IKBIP: variants seen among roughly 807,000 people sequenced by gnomAD.
The protein encoded by IKBIP is IKBKB interacting protein, also known as inhibitor of nuclear factor kappa-B kinase-interacting protein.
IKBIP carries 28 observed loss-of-function variants against 31.0 expected under a neutral mutation model. That is an observed-to-expected ratio of 0.90 (90% CI 0.67 to 1.24). The LOEUF (loss-of-function observed/expected upper bound fraction) is 1.24, where lower values mean the gene tolerates loss of function less well. IKBIP is among the 50% of genes most tolerant of loss of function. IKBIP has a pLI of 0.00. For missense variants in IKBIP, 453 were observed against 441.9 expected, an observed-to-expected ratio of 1.03 and a Z score of -0.23; for synonymous variants, 164 against 160.3, an observed-to-expected ratio of 1.02 and a Z score of -0.17.
downstream of IKBIP, among the ~76,000 whole-genome samples, chr12:98,623,409 C>CT (rs941724874): frequency 2.7e-5 from 4 of 148,750 alleles, no homozygotes; most frequent in Admixed American, 1.3e-4. Flanking sequence ...CAGGGATGCG[C>CT]TTTTTTTTGA....
intron 1 of IKBIP, among the ~76,000 whole-genome samples, chr12:98,635,961 C>T (rs2097625412): frequency 6.6e-6 from 1 of 152,056 alleles, no homozygotes; most frequent in Non-Finnish European, 1.5e-5. Flanking sequence ...GGGTGGAAGC[C>T]CAAAAAGCTA....
At position 98,613,859 on chromosome 12, in the gene IKBIP, AATCT is replaced by A; in HGVS notation, c.775_778del (p.Arg259PhefsTer2). On this transcript the variant is annotated frameshift_variant, in exon 3 of 3. Coordinates refer to the IKBIP transcript ENST00000342502. LOFTEE classifies it high-confidence loss of function. The stretch of plus-strand genomic sequence containing the variant: ...GGCTCTGTCACCTTCTAAGCTTAGA[AATCT>A]ATCTGTATGTTTGTCGAAGTCACTC... 1 of 1,613,040 alleles carries A rather than the reference AATCT, an allele frequency of 6.2e-7. No homozygotes were observed. The highest frequency in any genetic ancestry group is 1.1e-5 in the South Asian group (1 of 90,666).
rs752189005 is a variant in IKBIP at position 98,626,488 on chromosome 12, C to T, written c.576G>A (p.Glu192=). Residue 192 remains glutamate (E), a synonymous_variant, in exon 3 of 3, where the codon GAG becomes GAA. Coordinates refer to ENST00000299157, the MANE Select transcript of IKBIP (RefSeq NM_153687.4). ...SQVTVQINSA[E]QEIKLLTERL... ...GTTCAGTGAGCAATTTTATTTCCTG[C>T]TCAGCTGAGTTAATTTGGACAGTTA... is the stretch of plus-strand genomic sequence containing the variant. 6.2e-7 allele frequency: 1 copy of T among 1,613,388 alleles called. No homozygotes were observed. The highest frequency in any genetic ancestry group is 1.1e-5 in the South Asian group (1 of 91,080).
At chr12:98,634,931 G>C (rs973283352) in intron 1 of IKBIP, among the ~76,000 whole-genome samples, 2 of 151,040 alleles carry the variant, frequency 1.3e-5, no homozygotes, top group Non-Finnish European at 2.9e-5. Flanking sequence ...GGATGCTCTC[G>C]ATCTCCTGAC....
At chr12:98,634,675 T>C (rs1451878757) in intron 1 of IKBIP, among the ~76,000 whole-genome samples, 2 of 151,174 alleles carry the variant, frequency 1.3e-5, no homozygotes, top group African/African-American at 4.9e-5. Context: ...GCTAGGACTG[T>C]CCATCTCGCT....
chr12:98,644,669 C>G lies in IKBIP; in HGVS notation c.33G>C (p.Gly11=). 1.9e-6 allele frequency: 3 copies of G among 1,610,600 alleles called. No individual in the cohort carries two copies. Residue 11 remains glycine, a synonymous_variant, in exon 1 of 3, where the codon GGG becomes GGC. Transcript: ENST00000299157. ...GCTCCGCAGCAGGGGCTCCCTTGGG[C>G]CCCGACTTCTTCCGGCTCTTCACCT... MSEVKSRKKS[G]PKGAPAAEPG... is the part of the protein sequence containing the mutation.
At chr12:98,639,690 G>C (rs2097628730) in intron 1 of IKBIP, among the ~76,000 whole-genome samples, 1 of 152,164 alleles carries the variant, frequency 6.6e-6, no homozygotes. Flanking sequence ...TTAAATGGTG[G>C]CAGACAGCTG....
At chr12:98,632,001 G>A (rs2097620607) in intron 2 of IKBIP, among the ~76,000 whole-genome samples, 4 of 150,800 alleles carry the variant, frequency 2.7e-5, no homozygotes, top group African/African-American at 9.7e-5. Flanking sequence ...GATTACAGGC[G>A]CCCGCCACCA....
At chr12:98,617,771 C>A (rs745725020) in intron 2 of IKBIP, among the ~76,000 whole-genome samples, 1 of 152,102 alleles carries the variant, frequency 6.6e-6, no homozygotes, top group African/African-American at 2.4e-5. Flanking sequence ...ATTGCTAATG[C>A]GTATGCCCAA....
At chr12:98,617,650 T>A (rs75086464) in intron 2 of IKBIP, among the ~76,000 whole-genome samples, 1 of 152,150 alleles carries the variant, frequency 6.6e-6, no homozygotes, top group Non-Finnish European at 1.5e-5. Context: ...AAAACAAAGA[T>A]GGAAATCAGG....
rs140515964 is a variant in IKBIP at position 98,614,096 on chromosome 12, C to T, written c.542G>A (p.Arg181Gln). The change falls in exon 3 of 3, where the codon CGG becomes CAG. Residue 181 changes from arginine to glutamine, a missense_variant. Coordinates refer to the IKBIP transcript ENST00000342502. Reference sequence around the variant, plus strand: ...TACATCAGTTACTAAACCTGAAATCCGTCGTATATCTGTTTTTACACTTGT... The same window carrying T: ...TACATCAGTTACTAAACCTGAAATCTGTCGTATATCTGTTTTTACACTTGT... The T allele has an allele frequency of 4.7e-5, 76 of 1,612,920 alleles. No homozygotes were observed. The East Asian group carries it at 6.5e-4, about 14-fold the overall frequency.
Position 98,613,931 on chromosome 12 carries a change from G to C in IKBIP, c.707C>G (p.Ser236Ter), listed in dbSNP as rs748226590. Reference sequence around the variant, plus strand: ...CTTCTTAACAGAGTTAATTCTTTGTGAATTTTCAGATGCTGTCTTTCGGAG... The same window carrying C: ...CTTCTTAACAGAGTTAATTCTTTGTCAATTTTCAGATGCTGTCTTTCGGAG... Residue 236 changes from serine (S) to a stop codon, truncating the protein, a stop_gained, in exon 3 of 3, where the codon TCA (serine) becomes TGA (stop). Coordinates refer to the IKBIP transcript ENST00000342502. LOFTEE classifies it high-confidence loss of function. The C allele has an allele frequency of 2.5e-6, 4 of 1,613,654 alleles. No individual in the cohort carries two copies. The highest frequency in any genetic ancestry group is 3.4e-6 in the Non-Finnish European group (4 of 1,179,780).
chr12:98,639,335 C>T lies in IKBIP; in HGVS notation c.180-4922G>A, dbSNP rs1476408393. ...CCCCAGGCCTGTCCCCCTTTGAACA[C>T]TAAGTATAAACTGGGTTGTGTTTAT... On this transcript the variant is annotated intron_variant, in intron 1 of 2. Coordinates refer to ENST00000299157, the MANE Select transcript of IKBIP (RefSeq NM_153687.4). 3.9e-5 allele frequency among the ~76,000 whole-genome samples: 6 copies of T among 152,290 alleles called. No individual in the cohort carries two copies. The East Asian group carries it at 1.2e-3, about 29-fold the overall frequency.
At chr12:98,620,546 A>T (rs942305927), downstream of IKBIP, among the ~76,000 whole-genome samples, 1 of 151,700 alleles carries the variant, frequency 6.6e-6, no homozygotes, top group African/African-American at 2.4e-5. Flanking sequence ...TTGTATTTTT[A>T]GTAGAGACAC....
intron 1 of IKBIP, among the ~76,000 whole-genome samples, chr12:98,642,499 G>A (rs897458761): frequency 3.0e-4 from 45 of 151,880 alleles, no homozygotes; most frequent in African/African-American, 1.0e-3. Context: ...GCATTTTAAG[G>A]CATAAGAGCC....
At chr12:98,633,661 C>T (rs117108984) in intron 2 of IKBIP, among the ~76,000 whole-genome samples, 2,989 of 151,744 alleles carry the variant, frequency 0.02, 43 homozygotes, top group South Asian at 0.04. Context: ...GGATTACAGG[C>T]GTGTGCACCA....
At chr12:98,615,401 T>G (rs944397413) in intron 2 of IKBIP, among the ~76,000 whole-genome samples, 1 of 152,072 alleles carries the variant, frequency 6.6e-6, no homozygotes, top group South Asian at 2.1e-4. Context: ...CCTGGCTGAT[T>G]GTTGTTTAGT....
At chr12:98,627,120 C>T (rs1397472701) in intron 2 of IKBIP, among the ~76,000 whole-genome samples, 2 of 151,766 alleles carry the variant, frequency 1.3e-5, no homozygotes, top group Non-Finnish European at 2.9e-5. Context: ...AGGTACGCGC[C>T]ACTATGCCTA....
At chr12:98,628,597 C>T (rs1419490194) in intron 2 of IKBIP, among the ~76,000 whole-genome samples, 2 of 152,222 alleles carry the variant, frequency 1.3e-5, no homozygotes, top group East Asian at 1.9e-4. Flanking sequence ...GCACCTATTA[C>T]ACATATATTT....
Sources: allele counts gnomAD v4.1 joint callset (sites outside exome capture counted in the v4.1 genomes callset), GRCh38; gene constraint gnomAD v4.1.1; transcripts MANE v1.5; gene names NCBI Gene and HGNC (gene_info 2026-07-23, HGNC 2026-07-21).